Variants in LRRC34 observed in about 807,000 individuals in gnomAD.
The protein encoded by LRRC34 is leucine-rich repeat-containing protein 34.
Under a neutral mutation model 48.5 loss-of-function variants are expected in LRRC34, and 44 were observed. The ratio of observed to expected loss-of-function variants is 0.91; its 90% CI spans 0.71 to 1.17. The LOEUF is 1.17. Among genes scored for constraint, LRRC34 ranks in the 50% most tolerant of loss-of-function variants. The pLI, the probability that LRRC34 is intolerant of heterozygous loss-of-function variation, is 0.00. For missense variants in LRRC34, 502 were observed against 563.0 expected (o/e 0.89, Z 1.10); for synonymous variants, 192 against 197.6 (o/e 0.97, Z 0.24).
At position 169,812,034 on chromosome 3, in the gene LRRC34, CCT is replaced by C. The variant is rs1278121092; in HGVS notation, c.139+374_139+375del. On this transcript the variant is annotated intron_variant, in intron 1 of 10. Transcript: ENST00000446859. This position sits in a 1 kb window ranked among gnomAD's most constrained non-coding sequence, Gnocchi z 4.3. ...AACAGTATCAAGACCCTCATGCCCCCCTGTGACCTGCTCTCTGGGACTTTCAC... is the reference window on the plus strand; with the variant it reads ...AACAGTATCAAGACCCTCATGCCCCCGTGACCTGCTCTCTGGGACTTTCAC... Among the ~76,000 whole-genome samples the C allele has an allele frequency of 1.4e-4, 22 of 152,092 alleles. No individual in the cohort carries two copies. Among genetic ancestry groups the C allele is most frequent in the Non-Finnish European group, 3.1e-4 (21 of 68,016 alleles).
In LRRC34 at chr3:169,796,238, G is replaced by C; in HGVS notation, c.1040C>G (p.Thr347Ser). The change falls in exon 9 of 11, where the codon ACT becomes AGT. Residue 347 changes from threonine (T) to serine (S), a missense_variant. Thr to Ser is a moderately conservative substitution (Grantham distance 58, BLOSUM62 1). Transcript: ENST00000446859. ...CGCTTTAAGACTCCTGTTGTGTGAA[G>C]TAAGAGTTTCACTGAGATAGTTTGC... ...AGANYLSETLTSHNRSLKALS... is the reference protein window; with the variant it reads ...AGANYLSETLSSHNRSLKALS... 6.2e-7 allele frequency: 1 copy of C among 1,610,586 alleles called. No homozygotes were observed. Among genetic ancestry groups the C allele is most frequent in the East Asian group, 2.2e-5 (1 of 44,680 alleles).
At chr3:169,811,693 G>A (rs1021137736) in intron 1 of LRRC34, among the ~76,000 whole-genome samples, 1 of 152,198 alleles carries the variant, frequency 6.6e-6, no homozygotes, top group African/African-American at 2.4e-5. Flanking sequence ...CAAGCACTGG[G>A]AAATCTAAGC....
intron 10 of LRRC34, 56 bp from the exon 11 acceptor site, chr3:169,793,894 G>T (rs1778888216): frequency 8.2e-7 from 1 of 1,221,478 alleles, no homozygotes; most frequent in Non-Finnish European, 1.2e-6. Flanking sequence ...TCAATTTACA[G>T]TGCTTACGGA....
chr3:169,803,789 G>A (rs940019318), intron 6 of LRRC34, among the ~76,000 whole-genome samples: 4 of 152,196 alleles, frequency 2.6e-5, no homozygotes. Context: ...TAATTAAAGT[G>A]AACATGATCT....
At chr3:169,808,788 G>A in intron 1 of LRRC34, 43 bp from the exon 2 acceptor site, 2 of 1,131,854 alleles carry the variant, frequency 1.8e-6, no homozygotes, top group African/African-American at 1.6e-5. Context: ...AATTATTCTA[G>A]AAGCTTTAAA....
At chr3:169,802,587 A>C (rs113346229) in intron 6 of LRRC34, among the ~76,000 whole-genome samples, 2,179 of 152,294 alleles carry the variant, frequency 0.014, 19 homozygotes, top group Middle Eastern at 0.027. Context: ...CTGTTGTATC[A>C]TTAGTGTCCA....
At position 169,812,374 on chromosome 3, in the gene LRRC34, G is replaced by C; in HGVS notation, c.139+36C>G. On this transcript the variant is annotated intron_variant, in intron 1 of 10. Transcript: ENST00000446859. This position sits in a 1 kb window ranked among gnomAD's most constrained non-coding sequence, Gnocchi z 4.3. ...CCGGCGCCCCTCGCGCGTTTTGTCTGGGCCAGGCCGCGCAGACGTGCTCCC... is the reference window on the plus strand; with the variant it reads ...CCGGCGCCCCTCGCGCGTTTTGTCTCGGCCAGGCCGCGCAGACGTGCTCCC... 1 of 1,516,546 alleles carries C rather than the reference G, an allele frequency of 6.6e-7. No individual in the cohort carries two copies. Among genetic ancestry groups the C allele is most frequent in the Non-Finnish European group, 8.8e-7 (1 of 1,139,194 alleles). The allele number at this position is 1,516,546 out of a possible 1,614,324, so 93.9% of individuals were successfully genotyped here. A position where few individuals can be genotyped will look rare whatever the true frequency, so the allele number is the denominator to read the frequency against.
rs150068897 is a variant in LRRC34 at position 169,806,880 on chromosome 3, C to T, written c.496G>A (p.Glu166Lys). 9.4e-5 allele frequency: 151 copies of T among 1,607,264 alleles called. No individual in the cohort carries two copies. In the African/African-American group the frequency reaches 1.8e-3, roughly 19 times the overall value. Residue 166 changes from glutamate to lysine, a missense_variant, in exon 5 of 11, where the codon GAA (glutamate) becomes AAA (lysine). By Grantham distance (56) the Glu-to-Lys change is moderately conservative (BLOSUM62 1). Transcript: ENST00000446859. ...LNLMFNDIGPEGGELIAKVLH... is the reference protein window; with the variant it reads ...LNLMFNDIGPKGGELIAKVLH... ...ACTTTAGCAATCAATTCTCCACCTT[C>T]GGGCCCAATATCATTAAACATGAGG... is the stretch of plus-strand genomic sequence containing the variant.
At chr3:169,808,308 C>T (rs894364353) in intron 2 of LRRC34, among the ~76,000 whole-genome samples, 2 of 135,066 alleles carry the variant, frequency 1.5e-5, no homozygotes, top group African/African-American at 2.8e-5. Flanking sequence ...AGGGAGGCAC[C>T]ATCTCAGAAA....
chr3:169,795,356 C>G (rs1336503993), intron 10 of LRRC34, 129 bp downstream of exon 10: 16 of 936,750 alleles, frequency 1.7e-5, no homozygotes, highest in Non-Finnish European at 2.4e-5. Context: ...AATTTTAAGA[C>G]TTATGTTAAT....
rs1778982508 is a variant in LRRC34, at chr3:169,796,231, G to A, written c.1047C>T (p.His349=). The change falls in exon 9 of 11, where the codon CAC becomes CAT. Residue 349 remains histidine (H), a synonymous_variant. Coordinates refer to ENST00000446859, the MANE Select transcript of LRRC34 (RefSeq NM_001172779.2). The part of the protein sequence containing the change: ...ANYLSETLTS[H]NRSLKALSVV... Reference sequence around the variant, plus strand: ...ATACTAACGCTTTAAGACTCCTGTTGTGTGAAGTAAGAGTTTCACTGAGAT... The same window carrying A: ...ATACTAACGCTTTAAGACTCCTGTTATGTGAAGTAAGAGTTTCACTGAGAT... 1.2e-6 allele frequency: 2 copies of A among 1,608,486 alleles called. No individual in the cohort carries two copies. The highest frequency in any genetic ancestry group is 1.7e-6 in the Non-Finnish European group (2 of 1,178,576).
chr3:169,811,274 C>T (rs575707764), intron 1 of LRRC34, among the ~76,000 whole-genome samples: 6 of 152,168 alleles, frequency 3.9e-5, no homozygotes, highest in African/African-American at 7.2e-5. Flanking sequence ...ATGTGTCAGA[C>T]TACAATTCAT....
intron 10 of LRRC34, chr3:169,794,779 AG>A (rs1395165154): frequency 2.0e-5 from 3 of 152,256 alleles, no homozygotes; most frequent in Non-Finnish European, 4.4e-5. Context: ...ATATGGAGAA[AG>A]ATGGAAATTT....
At chr3:169,808,498 T>C in intron 2 of LRRC34, 130 bp downstream of exon 2, 1 of 586,552 alleles carries the variant, frequency 1.7e-6, no homozygotes, top group Non-Finnish European at 3.1e-6. Flanking sequence ...CTTACTTACC[T>C]GAATCAAATG....
rs1156594647 is a variant in LRRC34, at chr3:169,796,308, G to A, written c.970C>T (p.Leu324=). Residue 324 remains leucine, a synonymous_variant, in exon 9 of 11, where the codon CTG becomes TTG. Transcript: ENST00000446859. ...LADVLKSNTT[L]EVIDLSFNRI... ...TTAAAGGAAAGATCTATTACTTCCA[G>A]GGTAGTGTTGCTTTTCAGTACATCA... 1 of 1,611,986 alleles carries A rather than the reference G, an allele frequency of 6.2e-7. No individual in the cohort carries two copies. Among genetic ancestry groups the A allele is most frequent in the African/African-American group, 1.3e-5 (1 of 74,838 alleles).
rs1161717446 is a variant in LRRC34, at chr3:169,795,481, T to G, written c.1191+4A>C. ...TTCAGTGAAGGAAAAAACTTAAAAC[T>G]TACTATACACGTAGCCTCATCAAAT... On this transcript the variant is annotated splice_donor_region_variant and intron_variant, in intron 10 of 10. Coordinates refer to ENST00000446859, the MANE Select transcript of LRRC34 (RefSeq NM_001172779.2). 1.9e-6 allele frequency: 3 copies of G among 1,596,328 alleles called. No homozygotes were observed. Among genetic ancestry groups the G allele is most frequent in the Non-Finnish European group, 2.6e-6 (3 of 1,168,292 alleles).
chr3:169,809,024 A>T (rs1779475638), intron 1 of LRRC34, among the ~76,000 whole-genome samples: 1 of 152,130 alleles, frequency 6.6e-6, no homozygotes, highest in Non-Finnish European at 1.5e-5. Context: ...GAAGTGACAT[A>T]AAGGGAGAAC....
chr3:169,809,876 A>T (rs955447377), intron 1 of LRRC34, among the ~76,000 whole-genome samples: 2 of 152,244 alleles, frequency 1.3e-5, no homozygotes, highest in African/African-American at 4.8e-5. Flanking sequence ...TTCAGATGAA[A>T]GCAAACAAAA....
At chr3:169,804,297 C>T (rs1362519277) in intron 5 of LRRC34, 116 bp from the exon 6 acceptor site, 4 of 817,718 alleles carry the variant, frequency 4.9e-6, no homozygotes, top group Admixed American at 3.5e-5. Flanking sequence ...AGCTAGAACA[C>T]GATATATATT....
Sources: allele counts gnomAD v4.1 joint callset (sites outside exome capture counted in the v4.1 genomes callset), GRCh38; gene constraint gnomAD v4.1.1; non-coding constraint Gnocchi (gnomAD v3.1); transcripts MANE v1.5; gene names NCBI Gene and HGNC (gene_info 2026-07-23, HGNC 2026-07-21).